E2F6: variants seen among roughly 807,000 people sequenced by gnomAD.
The protein encoded by E2F6 is transcription factor E2F6.
Under a neutral mutation model 31.5 loss-of-function variants are expected in E2F6, and 19 were observed. The ratio of observed to expected loss-of-function variants is 0.60; its 90% CI spans 0.42 to 0.89. E2F6 has a LOEUF of 0.89. Among genes scored for constraint, E2F6 ranks in the 40% least tolerant of loss-of-function variants. The pLI is 0.00. For synonymous variants in E2F6, 121 were observed against 127.7 expected, an observed-to-expected ratio of 0.95 and a Z score of 0.36; for missense variants, 269 against 341.6, an observed-to-expected ratio of 0.79 and a Z score of 1.67.
chr2:11,458,474 C>A (rs1028393980), intron 1 of E2F6: 41 of 976,668 alleles, frequency 4.2e-5, no homozygotes, highest in Non-Finnish European at 6.3e-5. Flanking sequence ...AGTGACTTGA[C>A]TTTGAAGCTG....
intron 5 of E2F6, 93 bp downstream of exon 5, chr2:11,449,919 C>A: frequency 1.0e-6 from 1 of 963,820 alleles, no homozygotes; most frequent in Non-Finnish European, 1.6e-6. Context: ...CACGTGCACA[C>A]AACGGCTCTT....
chr2:11,460,236 C>A (rs1162280160), intron 1 of E2F6, among the ~76,000 whole-genome samples: 1 of 152,220 alleles, frequency 6.6e-6, no homozygotes, highest in African/African-American at 2.4e-5. Flanking sequence ...TTTCTCTACA[C>A]CAATTCTGTT....
Position 11,457,206 on chromosome 2 carries a change from C to A in E2F6, c.136G>T (p.Asp46Tyr). ...CTCATGGACACATATTGTACATTAT[C>A]TTCTAAATTAATCCTTATTTTTGAT... ...LPSKIRINLE[D>Y]NVQYVSMRKA... Residue 46 changes from aspartate to tyrosine, a missense_variant, in exon 2 of 7, where the codon GAT becomes TAT. Physicochemically the swap from Asp to Tyr is radical, Grantham distance 160. Coordinates refer to ENST00000381525, the MANE Select transcript of E2F6 (RefSeq NM_198256.4). 6.4e-7 allele frequency: 1 copy of A among 1,568,738 alleles called. No homozygotes were observed. The highest frequency in any genetic ancestry group is 8.8e-7 in the Non-Finnish European group (1 of 1,141,660).
intron 1 of E2F6, chr2:11,458,389 C>T (rs758020175): frequency 7.8e-6 from 12 of 1,545,800 alleles, no homozygotes; most frequent in East Asian, 2.4e-5. Flanking sequence ...ATTGTGGTAC[C>T]GGAAATGAAC....
intron 5 of E2F6, among the ~76,000 whole-genome samples, chr2:11,448,028 G>A (rs562082595): frequency 1.7e-4 from 26 of 152,198 alleles, no homozygotes; most frequent in African/African-American, 6.0e-4. Context: ...CAAGGAGGCC[G>A]TATTTCAGTC....
chr2:11,462,204 G>A (rs746466126), intron 1 of E2F6, among the ~76,000 whole-genome samples: 6 of 152,142 alleles, frequency 3.9e-5, no homozygotes, highest in African/African-American at 4.8e-5. Context: ...GACCAATAGA[G>A]TAATAAATTC....
Position 11,465,969 on chromosome 2 carries a change from A to G in E2F6, c.-90T>C. The G allele has an allele frequency of 8.1e-7, 1 of 1,228,444 alleles. No homozygotes were observed. Among genetic ancestry groups the G allele is most frequent in the East Asian group, 2.9e-5 (1 of 34,624 alleles). 76.1% of individuals were successfully genotyped at this position (1,228,444 alleles called of 1,614,324 possible). A position where few individuals can be genotyped will look rare whatever the true frequency, so the allele number is the denominator to read the frequency against. On this transcript the variant is annotated 5_prime_UTR_variant, in exon 1 of 7. Transcript: ENST00000381525. Reference sequence around the variant, plus strand: ...CTCGAGCACCGCCCCCCACGCGCCGATTTCCAAGGGCCCAGCACCTAAGGG... The same window carrying G: ...CTCGAGCACCGCCCCCCACGCGCCGGTTTCCAAGGGCCCAGCACCTAAGGG...
intron 6 of E2F6, among the ~76,000 whole-genome samples, chr2:11,446,996 G>T (rs527739258): frequency 2.0e-5 from 3 of 152,338 alleles, no homozygotes; most frequent in African/African-American, 7.2e-5. Context: ...CTGGGTCTTT[G>T]TTCGGATGTC....
Position 11,457,159 on chromosome 2 carries a change from C to A in E2F6, c.163+20G>T. ...AGTTCAAACTAACAAAACCTAAAAC[C>A]TATTCAGGAATCAACTTACTTCTCA... is the stretch of plus-strand genomic sequence containing the variant. On this transcript the variant is annotated intron_variant, in intron 2 of 6. Transcript: ENST00000381525. 6.6e-7 allele frequency: 1 copy of A among 1,526,234 alleles called. No homozygotes were observed. The highest frequency in any genetic ancestry group is 1.4e-5 in the African/African-American group (1 of 72,796). 94.5% of individuals were successfully genotyped at this position (1,526,234 alleles called of 1,614,324 possible).
chr2:11,458,359 G>A (rs1489853711), intron 1 of E2F6: 1 of 1,551,698 alleles, frequency 6.4e-7, no homozygotes, highest in East Asian at 2.4e-5. Flanking sequence ...CAACTGTGGG[G>A]AGAGAAGAAA....
At chr2:11,451,351 T>G (rs1572493368) in intron 4 of E2F6, 7 of 156,562 alleles carry the variant, frequency 4.5e-5, no homozygotes, top group Admixed American at 4.0e-4. Context: ...TACCTAACTT[T>G]TTTTTTTTTT....
intron 4 of E2F6, chr2:11,451,382 C>G: frequency 5.6e-6 from 1 of 178,246 alleles, no homozygotes; most frequent in Non-Finnish European, 1.1e-5. Context: ...CGGAGTTTCG[C>G]TCCTGTTGCC....
At chr2:11,458,256 G>A in intron 1 of E2F6, 1 of 1,551,420 alleles carries the variant, frequency 6.4e-7, no homozygotes, top group Non-Finnish European at 8.7e-7. Context: ...GCAGTACTAG[G>A]GATACACCCA....
Position 11,453,740 on chromosome 2 carries a change from T to C in E2F6, c.222A>G (p.Lys74=). Residue 74 remains lysine, a synonymous_variant, in exon 3 of 7, where the codon AAA becomes AAG. Transcript: ENST00000381525. ...GAGCAGATCTGACAAGATCCATAAA[T>C]TTTCGAGTTAAATAAACCAGCGATA... ...FDVSLVYLTR[K]FMDLVRSAPG... is the part of the protein sequence containing the mutation. 1 of 1,614,164 alleles carries C rather than the reference T, an allele frequency of 6.2e-7. No individual in the cohort carries two copies. The highest frequency in any genetic ancestry group is 1.1e-5 in the South Asian group (1 of 91,078).
At chr2:11,464,759 G>A (rs1482358557) in intron 1 of E2F6, among the ~76,000 whole-genome samples, 1 of 152,062 alleles carries the variant, frequency 6.6e-6, no homozygotes, top group Non-Finnish European at 1.5e-5. Context: ...TTTGGCAACC[G>A]TGAAACAAGA....
rs540836687 is a variant in E2F6, at chr2:11,444,738, C to G, written c.*1739G>C. 97 of 152,326 alleles carry G rather than the reference C, an allele frequency of 6.4e-4. No homozygotes were observed. The highest frequency in any genetic ancestry group is 2.3e-3 in the African/African-American group (96 of 41,542). 9.4% of individuals were successfully genotyped at this position (152,326 alleles called of 1,614,324 possible). On this transcript the variant is annotated 3_prime_UTR_variant, in exon 7 of 7. Transcript: ENST00000381525. ...CATCTGCCTGACGTACTACACAGCT[C>G]AGACTTTTCCGCTGAGCACCTGACC...
intron 2 of E2F6, chr2:11,456,977 T>C: frequency 1.8e-6 from 1 of 549,776 alleles, no homozygotes; most frequent in South Asian, 2.1e-5. Context: ...CAGACTGTTC[T>C]ATGGAGAATA....
intron 1 of E2F6, chr2:11,458,350 A>T (rs1270922107): frequency 1.9e-6 from 3 of 1,551,632 alleles, no homozygotes; most frequent in East Asian, 2.4e-5. Flanking sequence ...CTGAATAAAC[A>T]ACTGTGGGGA....
intron 1 of E2F6, among the ~76,000 whole-genome samples, chr2:11,464,466 G>A (rs1362342045): frequency 1.4e-5 from 2 of 143,558 alleles, no homozygotes; most frequent in Non-Finnish European, 3.0e-5. Flanking sequence ...GCAGTGAACC[G>A]AGATCAGGCC....
Sources: allele counts gnomAD v4.1 joint callset (sites outside exome capture counted in the v4.1 genomes callset), GRCh38; gene constraint gnomAD v4.1.1; transcripts MANE v1.5; gene names NCBI Gene and HGNC (gene_info 2026-07-23, HGNC 2026-07-21).